The following CATSPER3 variants were observed in gnomAD, a reference collection of about 807,000 sequenced individuals.
The protein encoded by CATSPER3 is cation channel sperm-associated protein 3.
In CATSPER3, 23 loss-of-function variants were observed where a neutral mutation model predicts 36.6. The observed-to-expected ratio is 0.63, with a 90% CI of 0.45 to 0.89. The LOEUF (loss-of-function observed/expected upper bound fraction) is 0.89. Among genes scored for constraint, CATSPER3 ranks in the 40% least tolerant of loss-of-function variants. The pLI is 0.00. For missense variants in CATSPER3, 474 were observed against 503.9 expected (o/e 0.94, Z 0.57); for synonymous variants, 172 against 184.1 (o/e 0.93, Z 0.53).
intron 2 of CATSPER3, among the ~76,000 whole-genome samples, chr5:134,993,506 A>G (rs1751907538): frequency 6.6e-6 from 1 of 152,264 alleles, no homozygotes; most frequent in Non-Finnish European, 1.5e-5. Context: ...AAGTTAGATC[A>G]CAGAAAATAA....
chr5:135,004,554 G>A (rs959378184), intron 3 of CATSPER3, among the ~76,000 whole-genome samples: 19 of 152,200 alleles, frequency 1.2e-4, no homozygotes, highest in African/African-American at 4.3e-4. Flanking sequence ...GAGTGAGGGC[G>A]GGATCTGGCA....
At chr5:134,974,834 G>A (rs1038826026) in intron 2 of CATSPER3, among the ~76,000 whole-genome samples, 1 of 152,184 alleles carries the variant, frequency 6.6e-6, no homozygotes, top group Non-Finnish European at 1.5e-5. Flanking sequence ...GTTATGGACT[G>A]TGGAACATCA....
rs568488875 is a variant in CATSPER3 at position 135,000,018 on chromosome 5, G to C, written c.492+3506G>C. 1.5e-3 allele frequency among the ~76,000 whole-genome samples: 225 copies of C among 152,240 alleles called. 1 individual carries two copies. Among genetic ancestry groups the C allele is most frequent in the Non-Finnish European group, 2.4e-3 (163 of 68,012 alleles). ...CAAAGGGAATGCTTCCAGTTTTTGC[G>C]CATTCAGTATGGTATCGGCTGTGGA... On this transcript the variant is annotated intron_variant, in intron 3 of 7. Coordinates refer to ENST00000282611, the MANE Select transcript of CATSPER3 (RefSeq NM_178019.3).
intron 6 of CATSPER3, 47 bp downstream of exon 6, chr5:135,009,537 C>T (rs1346355928): frequency 2.7e-6 from 2 of 748,220 alleles, no homozygotes; most frequent in Non-Finnish European, 3.5e-6. Context: ...GATGGATCGT[C>T]AGGCTGATGA....
At chr5:134,984,990 T>C (rs1305803516) in intron 2 of CATSPER3, among the ~76,000 whole-genome samples, 2 of 152,174 alleles carry the variant, frequency 1.3e-5, no homozygotes, top group Non-Finnish European at 2.9e-5. Context: ...GGCTAATTTT[T>C]GTATTTTTAG....
chr5:134,970,088 T>C lies in CATSPER3; in HGVS notation c.248T>C (p.Leu83Pro), dbSNP rs147115565. ...YDIRYRLFRL[L>P]EFSEIFFVSI... ...ATAAGGTACCGCTTGTTCAGACTTC[T>C]TGAGGTAAGCAGACAAAATGGGTCC... The change falls in exon 2 of 8, where the codon CTT becomes CCT. Residue 83 changes from leucine (L) to proline (P), a missense_variant. Physicochemically the swap from Leu to Pro is moderately conservative, Grantham distance 98. Coordinates refer to ENST00000282611, the MANE Select transcript of CATSPER3 (RefSeq NM_178019.3). The C allele has an allele frequency of 5.6e-6, 9 of 1,614,010 alleles. No homozygotes were observed. The highest frequency in any genetic ancestry group is 4.0e-5 in the African/African-American group (3 of 74,922).
At chr5:134,998,713 G>A (rs1657448127) in intron 3 of CATSPER3, among the ~76,000 whole-genome samples, 1 of 152,200 alleles carries the variant, frequency 6.6e-6, no homozygotes, top group Non-Finnish European at 1.5e-5. Context: ...CTGTGTAAAT[G>A]TCTTCTTTTG....
intron 2 of CATSPER3, among the ~76,000 whole-genome samples, chr5:134,989,382 C>T (rs2149549107): frequency 6.6e-6 from 1 of 152,320 alleles, no homozygotes; most frequent in South Asian, 2.1e-4. Context: ...TAGATGGCTT[C>T]TTCTTCAGAT....
At chr5:135,000,887 A>G (rs1358628694) in intron 3 of CATSPER3, among the ~76,000 whole-genome samples, 1 of 151,858 alleles carries the variant, frequency 6.6e-6, no homozygotes, top group African/African-American at 2.4e-5. Context: ...GGATTCATTG[A>G]TTTTTTTGAA....
chr5:134,990,702 A>G (rs1475176572), intron 2 of CATSPER3, among the ~76,000 whole-genome samples: 6 of 152,254 alleles, frequency 3.9e-5, no homozygotes, highest in African/African-American at 2.4e-5. Context: ...AATGACACCA[A>G]TAGACTTGCT....
intron 2 of CATSPER3, among the ~76,000 whole-genome samples, chr5:134,970,944 C>T (rs1269564548): frequency 6.6e-6 from 1 of 151,804 alleles, no homozygotes; most frequent in Non-Finnish European, 1.5e-5. Context: ...AAGTGGGACT[C>T]CTATCTCTCT....
chr5:134,997,226 C>T (rs1438591908), intron 3 of CATSPER3, among the ~76,000 whole-genome samples: 2 of 152,234 alleles, frequency 1.3e-5, no homozygotes, highest in East Asian at 1.9e-4. Context: ...GGAGGCTGCC[C>T]CTCGCCTGGG....
chr5:134,999,506 G>A (rs1751994181), intron 3 of CATSPER3, among the ~76,000 whole-genome samples: 1 of 152,098 alleles, frequency 6.6e-6, no homozygotes, highest in Non-Finnish European at 1.5e-5. Flanking sequence ...GGGCAGTATG[G>A]CCATTTTCAC....
chr5:135,000,239 AG>A (rs1752003749), intron 3 of CATSPER3, among the ~76,000 whole-genome samples: 1 of 152,008 alleles, frequency 6.6e-6, no homozygotes, highest in African/African-American at 2.4e-5. Context: ...TGCGTCCCAT[AG>A]GATGCAGCCT....
intron 2 of CATSPER3, among the ~76,000 whole-genome samples, chr5:134,987,750 C>A (rs1390436984): frequency 6.6e-6 from 1 of 152,054 alleles, no homozygotes; most frequent in Non-Finnish European, 1.5e-5. Context: ...ATCCAGCATT[C>A]TTTCATTATA....
chr5:135,011,462 G>A, intron 7 of CATSPER3, 59 bp from the exon 8 acceptor site: 6 of 1,276,618 alleles, frequency 4.7e-6, no homozygotes, highest in Non-Finnish European at 6.8e-6. Flanking sequence ...AGTGGGGCCA[G>A]GGGGTCCTGG....
intron 2 of CATSPER3, among the ~76,000 whole-genome samples, chr5:134,971,185 G>A (rs370148232): frequency 1.3e-5 from 2 of 152,022 alleles, no homozygotes; most frequent in Admixed American, 1.3e-4. Context: ...TCCTGACCTC[G>A]TGATCCGCCC....
chr5:135,007,909 AC>A (rs778826789), intron 3 of CATSPER3, 47 bp from the exon 4 acceptor site: 49 of 1,529,518 alleles, frequency 3.2e-5, no homozygotes, highest in Non-Finnish European at 4.0e-5. Context: ...CCTGGAGCCC[AC>A]CCAGCTTGGT....
At chr5:134,996,641 A>G in intron 3 of CATSPER3, 129 bp downstream of exon 3, 1 of 805,312 alleles carries the variant, frequency 1.2e-6, no homozygotes, top group Non-Finnish European at 2.0e-6. Flanking sequence ...TGGCAGGTTG[A>G]TCTTTACCAA....
Sources: gnomAD v4.1 joint callset for allele counts (sites outside exome capture counted in the v4.1 genomes callset) on GRCh38, gnomAD v4.1.1 for gene constraint, MANE v1.5 for transcripts, NCBI Gene and HGNC (gene_info 2026-07-23, HGNC 2026-07-21) for gene names.